Variants in ZNF783 observed in about 807,000 individuals in gnomAD.
ZNF783 encodes the protein zinc finger protein 783.
In ZNF783, 25 loss-of-function variants were observed where a neutral mutation model predicts 31.3. The ratio of observed to expected loss-of-function variants is 0.80; its 90% CI spans 0.58 to 1.11. ZNF783 has a LOEUF of 1.11. ZNF783 is among the 50% of genes most tolerant of loss of function. The pLI is 0.00. For synonymous variants in ZNF783, 369 were observed against 319.1 expected (o/e 1.16, Z -1.66); for missense variants, 797 against 760.0 (o/e 1.05, Z -0.57).
intron 1 of ZNF783, among the ~76,000 whole-genome samples, chr7:149,265,305 G>T (rs1219140173): frequency 6.6e-6 from 1 of 152,136 alleles, no homozygotes; most frequent in East Asian, 1.9e-4. Flanking sequence ...AGGCACTTGA[G>T]AAGCTTTTTC....
chr7:149,278,600 G>A (rs1252255671), intron 5 of ZNF783, 73 bp downstream of exon 5: 33 of 1,584,588 alleles, frequency 2.1e-5, no homozygotes, highest in Admixed American at 8.5e-5. Flanking sequence ...CGATGGTGCT[G>A]AGGAAAAGCC....
chr7:149,270,037 A>C lies in ZNF783; in HGVS notation c.673+2815A>C, dbSNP rs182606882. Among the ~76,000 whole-genome samples the C allele has an allele frequency of 7.8e-3, 1,187 of 152,238 alleles. 23 individuals carry two copies. Among genetic ancestry groups the C allele is most frequent in the Admixed American group, 0.047 (723 of 15,278 alleles). ...ATGGCTGCATAGTATTCCATGGTGTATATGTGCCACATTTTCTTAATCCAG... is the reference window on the plus strand; with the variant it reads ...ATGGCTGCATAGTATTCCATGGTGTCTATGTGCCACATTTTCTTAATCCAG... On this transcript the variant is annotated intron_variant, in intron 4 of 5. Transcript: ENST00000434415.
chr7:149,266,222 G>C (rs1446168268), intron 1 of ZNF783, 113 bp from the exon 2 acceptor site: 2 of 1,277,354 alleles, frequency 1.6e-6, no homozygotes. Flanking sequence ...GCTAACTCAG[G>C]AGCCCAGATG....
intron 2 of ZNF783, 35 bp downstream of exon 2, chr7:149,266,765 AG>A (rs1797082425): frequency 2.5e-6 from 4 of 1,613,182 alleles, no homozygotes; most frequent in Non-Finnish European, 3.4e-6. Flanking sequence ...GGGGAGCTCG[AG>A]GGGCTGAGCC....
chr7:149,268,326 G>A (rs1177914820), intron 4 of ZNF783, among the ~76,000 whole-genome samples: 1 of 151,794 alleles, frequency 6.6e-6, no homozygotes, highest in Non-Finnish European at 1.5e-5. Flanking sequence ...GATCCTAATT[G>A]TAATACACCC....
At chr7:149,277,623 C>T (rs1055882137) in intron 4 of ZNF783, among the ~76,000 whole-genome samples, 3 of 151,670 alleles carry the variant, frequency 2.0e-5, no homozygotes, top group South Asian at 2.1e-4. Context: ...GTCTGTAATC[C>T]CTACTACTTG....
chr7:149,262,391 GC>G, intron 1 of ZNF783, 34 bp downstream of exon 1: 1 of 1,223,620 alleles, frequency 8.2e-7, no homozygotes. Flanking sequence ...CGCCCGGAAG[GC>G]CCAGGCCGCC....
chr7:149,269,814 T>TC (rs1797169477), intron 4 of ZNF783, among the ~76,000 whole-genome samples: 1 of 110,780 alleles, frequency 9.0e-6, no homozygotes, highest in Admixed American at 1.0e-4. Context: ...ATGCTATCCC[T>TC]CCCCCCTCCC....
chr7:149,274,923 A>G (rs962372592), intron 4 of ZNF783, among the ~76,000 whole-genome samples: 9 of 151,972 alleles, frequency 5.9e-5, no homozygotes, highest in African/African-American at 2.2e-4. Flanking sequence ...TATTTTTTCT[A>G]TTTCTGTGAA....
chr7:149,277,918 G>A (rs1056002429), intron 4 of ZNF783: 3 of 184,864 alleles, frequency 1.6e-5, no homozygotes, highest in South Asian at 1.2e-4. Context: ...TAAGAAGTAG[G>A]CGTAGGGATG....
chr7:149,280,991 G>A (rs543579379), intron 5 of ZNF783, among the ~76,000 whole-genome samples: 3 of 152,228 alleles, frequency 2.0e-5, no homozygotes, highest in African/African-American at 4.8e-5. Flanking sequence ...GGTCGTGGAC[G>A]CTCTGTGTGG....
In ZNF783 at chr7:149,262,331, G is replaced by T; in HGVS notation, c.-3G>T. On this transcript the variant is annotated 5_prime_UTR_variant, in exon 1 of 6. Transcript: ENST00000434415. Reference sequence around the variant, plus strand: ...TGCAACCCAGCGAGGGACGCGGGCAGCCATGGCCGAAGCGGCGCCTGCCCG... The same window carrying T: ...TGCAACCCAGCGAGGGACGCGGGCATCCATGGCCGAAGCGGCGCCTGCCCG... 7.4e-7 allele frequency: 1 copy of T among 1,345,926 alleles called. No homozygotes were observed. Among genetic ancestry groups the T allele is most frequent in the Non-Finnish European group, 9.6e-7 (1 of 1,043,974 alleles). 83.4% of individuals were successfully genotyped at this position (1,345,926 alleles called of 1,614,324 possible).
rs964730981 is a variant in ZNF783, at chr7:149,276,563, C to T, written c.674-1836C>T. The stretch of plus-strand genomic sequence containing the variant: ...ATTATTACTTTTCATCACTATTTTA[C>T]CTTTTGATAACCTTCTAGCTGGTTT... On this transcript the variant is annotated intron_variant, in intron 4 of 5. Transcript: ENST00000434415. 14 of 985,268 alleles carry T rather than the reference C, an allele frequency of 1.4e-5. No individual in the cohort carries two copies. In the African/African-American group the frequency reaches 2.4e-4, roughly 17 times the overall value. The allele number at this position is 985,268 out of a possible 1,614,324, so 61.0% of individuals were successfully genotyped here. A position where few individuals can be genotyped will look rare whatever the true frequency, so the allele number is the denominator to read the frequency against.
chr7:149,271,607 T>G (rs1411065385), intron 4 of ZNF783, among the ~76,000 whole-genome samples: 1 of 150,272 alleles, frequency 6.7e-6, no homozygotes, highest in African/African-American at 2.4e-5. Flanking sequence ...TTTTGGTTTT[T>G]GATTTAACTT....
rs780655348 is a variant in ZNF783, at chr7:149,281,609, C to T, written c.907C>T (p.Arg303Ter). 37 of 1,547,874 alleles carry T rather than the reference C, an allele frequency of 2.4e-5. No individual in the cohort carries two copies. The highest frequency in any genetic ancestry group is 2.8e-5 in the Non-Finnish European group (32 of 1,158,936). ...AGGCCAGACCGAGTGTAGAATCCCC[C>T]GAGGGCCCAGGAACAGGCCTGGGGG... is the stretch of plus-strand genomic sequence containing the variant. ...SRGQTECRIPRGPRNRPGGPS... is the reference protein window; with the variant it reads ...SRGQTECRIP Residue 303 changes from arginine to a stop codon, truncating the protein, a stop_gained, in exon 6 of 6, where the codon CGA becomes TGA. Transcript: ENST00000434415. LOFTEE classifies it low-confidence loss of function (END_TRUNC).
intron 1 of ZNF783, among the ~76,000 whole-genome samples, chr7:149,263,064 GA>G: frequency 6.6e-6 from 1 of 151,426 alleles, no homozygotes; most frequent in East Asian, 2.0e-4. Flanking sequence ...AAGTAGCTGG[GA>G]CTACAGGCGC....
At chr7:149,265,636 G>A (rs532064440) in intron 1 of ZNF783, among the ~76,000 whole-genome samples, 1 of 152,314 alleles carries the variant, frequency 6.6e-6, no homozygotes, top group South Asian at 2.1e-4. Flanking sequence ...CGGCATATTG[G>A]GGATTAATGC....
intron 4 of ZNF783, among the ~76,000 whole-genome samples, chr7:149,269,634 A>G (rs1797164236): frequency 6.6e-6 from 1 of 152,148 alleles, no homozygotes; most frequent in African/African-American, 2.4e-5. Flanking sequence ...ATTCTTCTGC[A>G]CATGTCTAGC....
At chr7:149,280,137 GGGC>G (rs1797430267) in intron 5 of ZNF783, among the ~76,000 whole-genome samples, 1 of 147,872 alleles carries the variant, frequency 6.8e-6, no homozygotes, top group East Asian at 2.1e-4. Flanking sequence ...GCGGCTGGCC[GGGC>G]GGGGGGCTGA....
Sources: gnomAD v4.1 joint callset for allele counts (sites outside exome capture counted in the v4.1 genomes callset) on GRCh38, gnomAD v4.1.1 for gene constraint, MANE v1.5 for transcripts, NCBI Gene and HGNC (gene_info 2026-07-23, HGNC 2026-07-21) for gene names.